Variants in KCNQ2 observed in about 807,000 individuals in gnomAD.
The protein encoded by KCNQ2 is potassium voltage-gated channel subfamily KQT member 2.
In KCNQ2, 14 loss-of-function variants were observed where a neutral mutation model predicts 84.8. The observed-to-expected ratio is 0.17, with a 90% CI of 0.11 to 0.26. KCNQ2 has a LOEUF of 0.26. Ranked by LOEUF, KCNQ2 falls within the 10% of genes least tolerant of loss-of-function variation. The pLI, the probability that KCNQ2 is intolerant of heterozygous loss-of-function variation, is 1.00. For missense variants in KCNQ2, 788 were observed against 1,254.0 expected, an observed-to-expected ratio of 0.63 and a Z score of 5.61; for synonymous variants, 599 against 554.1, an observed-to-expected ratio of 1.08 and a Z score of -1.14.
chr20:63,400,466 C>T lies in KCNQ2; in HGVS notation c.*6178G>A, dbSNP rs938917064. The T allele has an allele frequency of 1.8e-5, 7 of 397,260 alleles. No homozygotes were observed. Among genetic ancestry groups the T allele is most frequent in the East Asian group, 3.6e-5 (1 of 28,076 alleles). 24.6% of individuals were successfully genotyped at this position (397,260 alleles called of 1,614,324 possible). On this transcript the variant is annotated 3_prime_UTR_variant, in exon 17 of 17. Coordinates refer to ENST00000359125, the MANE Select transcript of KCNQ2 (RefSeq NM_172107.4). This position sits in a 1 kb window ranked among gnomAD's most constrained non-coding sequence, Gnocchi z 8.7. ...TGGGCGTCTATCCCTAGAAAATGGA[C>T]GGTGCACAAAGTTGAGATTGAAGTG...
At chr20:63,427,177 G>A (rs1208955372) in intron 10 of KCNQ2, among the ~76,000 whole-genome samples, 1 of 152,208 alleles carries the variant, frequency 6.6e-6, no homozygotes, top group Non-Finnish European at 1.5e-5. Flanking sequence ...AGCCAAGATC[G>A]CACCACTGCA....
rs568632071 is a variant in KCNQ2 at position 63,401,055 on chromosome 20, G to A, written c.*5589C>T. 5.8e-5 allele frequency: 23 copies of A among 395,182 alleles called. No individual in the cohort carries two copies. The highest frequency in any genetic ancestry group is 6.3e-4 in the Middle Eastern group (1 of 1,578). 24.5% of individuals were successfully genotyped at this position (395,182 alleles called of 1,614,324 possible). A position where few individuals can be genotyped will look rare whatever the true frequency, so the allele number is the denominator to read the frequency against. ...GACCGGCCCCTCCTTGCTGGCGCCT[G>A]GCCGAGAGTCAGACGCTGAGGACCT... On this transcript the variant is annotated 3_prime_UTR_variant, in exon 17 of 17. Transcript: ENST00000359125.
At chr20:63,448,193 C>T (rs941836337) in intron 1 of KCNQ2, 1 of 152,298 alleles carries the variant, frequency 6.6e-6, no homozygotes, top group African/African-American at 2.4e-5. Flanking sequence ...CAGAGAGAAA[C>T]CCACTTCGCA....
At chr20:63,469,402 A>G (rs939907878) in intron 1 of KCNQ2, among the ~76,000 whole-genome samples, 2 of 152,214 alleles carry the variant, frequency 1.3e-5, no homozygotes, top group African/African-American at 4.8e-5. Flanking sequence ...GCTCCCACAG[A>G]GGAGCAACAG....
intron 1 of KCNQ2, among the ~76,000 whole-genome samples, chr20:63,457,356 T>G (rs1028567089): frequency 1.3e-5 from 2 of 152,196 alleles, no homozygotes; most frequent in African/African-American, 4.8e-5. Context: ...GTGACCCAGG[T>G]GGGACCGAGC....
At chr20:63,411,941 TGAG>T in intron 15 of KCNQ2, 3 of 700,040 alleles carry the variant, frequency 4.3e-6, no homozygotes, top group Non-Finnish European at 7.9e-6. Flanking sequence ...CCACAGGAAA[TGAG>T]GAGCTGGCCA....
chr20:63,462,958 T>C (rs974141052), intron 1 of KCNQ2, among the ~76,000 whole-genome samples: 12 of 152,142 alleles, frequency 7.9e-5, no homozygotes, highest in African/African-American at 1.9e-4. Flanking sequence ...AGATGGGCCA[T>C]GGCTGACCCG....
intron 1 of KCNQ2, among the ~76,000 whole-genome samples, chr20:63,464,400 G>A (rs62208042): frequency 0.18 from 26,625 of 151,978 alleles, 2,520 homozygotes; most frequent in Admixed American, 0.22. Context: ...CACCTGGCAC[G>A]GGGTCTGTGG....
In KCNQ2 at chr20:63,422,907, G is replaced by A. The variant is rs1010228744; in HGVS notation, c.1247+1270C>T. Among the ~76,000 whole-genome samples the A allele has an allele frequency of 2.6e-5, 4 of 152,282 alleles. 1 individual carries two copies. The highest frequency in any genetic ancestry group is 4.4e-5 in the Non-Finnish European group (3 of 68,022). On this transcript the variant is annotated intron_variant, in intron 11 of 16. Coordinates refer to ENST00000359125, the MANE Select transcript of KCNQ2 (RefSeq NM_172107.4). ...CACGCGGAAGCCGTCGGGAAGCCTCGCGTCCACCTGGGACAGCACCGAGGT... is the reference window on the plus strand; with the variant it reads ...CACGCGGAAGCCGTCGGGAAGCCTCACGTCCACCTGGGACAGCACCGAGGT...
intron 4 of KCNQ2, among the ~76,000 whole-genome samples, chr20:63,443,406 C>T (rs939867771): frequency 8.9e-4 from 5 of 5,628 alleles, no homozygotes; most frequent in African/African-American, 2.6e-3. Context: ...ACCATCACCA[C>T]CATCACCATC....
chr20:63,420,150 A>G (rs1271247132), intron 11 of KCNQ2, among the ~76,000 whole-genome samples: 1 of 152,134 alleles, frequency 6.6e-6, no homozygotes, highest in Non-Finnish European at 1.5e-5. Flanking sequence ...CCAGTCCCCC[A>G]GTTGGAGGTG....
chr20:63,408,362 C>T lies in KCNQ2; in HGVS notation c.1887+51G>A, dbSNP rs1258589324. Reference sequence around the variant, plus strand: ...AGCCCACACTGCCACAGGTTGACGGCAGGCACCACAGCCCTCCAGCCCCGC... The same window carrying T: ...AGCCCACACTGCCACAGGTTGACGGTAGGCACCACAGCCCTCCAGCCCCGC... On this transcript the variant is annotated intron_variant, in intron 16 of 16. Transcript: ENST00000359125. The surrounding 1 kb of genome is among the most constrained non-coding windows in gnomAD (Gnocchi z 5.0). 4 of 1,597,186 alleles carry T rather than the reference C, an allele frequency of 2.5e-6. No homozygotes were observed. Among genetic ancestry groups the T allele is most frequent in the Non-Finnish European group, 2.5e-6 (3 of 1,177,102 alleles).
At chr20:63,421,102 G>A (rs1207144645) in intron 11 of KCNQ2, among the ~76,000 whole-genome samples, 1 of 152,168 alleles carries the variant, frequency 6.6e-6, no homozygotes, top group Admixed American at 6.5e-5. Context: ...CCCCACCCCA[G>A]GGAAAGAGCA....
In KCNQ2 at chr20:63,438,616, T is replaced by C. The variant is rs201787699; in HGVS notation, c.1023+9A>G. 1.2e-5 allele frequency: 20 copies of C among 1,612,468 alleles called. No homozygotes were observed. In the Admixed American group the frequency reaches 2.5e-4, roughly 20 times the overall value. ...GCTGTGCTGGTCCCCGGGGGACACC[T>C]GGACTCACCTGGATCAGGCCTGCTG... On this transcript the variant is annotated intron_variant, in intron 7 of 16. Coordinates refer to ENST00000359125, the MANE Select transcript of KCNQ2 (RefSeq NM_172107.4). The surrounding 1 kb of genome is among the most constrained non-coding windows in gnomAD (Gnocchi z 5.1).
chr20:63,407,188 G>A lies in KCNQ2; in HGVS notation c.2075C>T (p.Ser692Phe). Reference sequence around the variant, plus strand: ...GTTCTTCTGGCCCGTGGAGCTGCTGGAGCGCACGATCTTGACAATGCAGCC... The same window carrying A: ...GTTCTTCTGGCCCGTGGAGCTGCTGAAGCGCACGATCTTGACAATGCAGCC... Reference protein sequence around the residue: ...RHGCIVKIVRSSSSTGQKNFS... With the variant: ...RHGCIVKIVRFSSSTGQKNFS... The change falls in exon 17 of 17, where the codon TCC (serine) becomes TTC (phenylalanine). Residue 692 changes from serine to phenylalanine, a missense_variant. Ser to Phe is a radical substitution (Grantham distance 155). Around this residue, in one of 8 missense-constraint regions of KCNQ2, gnomAD observed 378 missense variants for 434.5 expected, o/e 0.87. Coordinates refer to ENST00000359125, the MANE Select transcript of KCNQ2 (RefSeq NM_172107.4). The surrounding 1 kb of genome is among the most constrained non-coding windows in gnomAD (Gnocchi z 7.2). 6.2e-7 allele frequency: 1 copy of A among 1,605,838 alleles called. No individual in the cohort carries two copies. Among genetic ancestry groups the A allele is most frequent in the Non-Finnish European group, 8.5e-7 (1 of 1,179,130 alleles).
chr20:63,457,705 C>A (rs572262735), intron 1 of KCNQ2, among the ~76,000 whole-genome samples: 1 of 152,362 alleles, frequency 6.6e-6, no homozygotes, highest in East Asian at 1.9e-4. Flanking sequence ...GCAGCAGACG[C>A]CCAAGGCCCA....
rs2079986772 is a variant in KCNQ2 at position 63,407,514 on chromosome 20, G to A, written c.1888-139C>T. 1.1e-6 allele frequency: 1 copy of A among 875,424 alleles called. No homozygotes were observed. The highest frequency in any genetic ancestry group is 1.7e-5 in the South Asian group (1 of 58,494). 54.2% of individuals were successfully genotyped at this position (875,424 alleles called of 1,614,324 possible). On this transcript the variant is annotated intron_variant, in intron 16 of 16. Transcript: ENST00000359125. The surrounding 1 kb of genome is among the most constrained non-coding windows in gnomAD (Gnocchi z 7.2). ...CCCAGGCTAGTCCCAGGAAACGGGG[G>A]ACCCAGGCTAGTCCCAGGAGATGTG...
intron 1 of KCNQ2, chr20:63,461,007 T>A (rs2081933169): frequency 6.6e-6 from 1 of 152,204 alleles, no homozygotes; most frequent in South Asian, 2.1e-4. Context: ...ACCGCCTGAA[T>A]CCTATTCTGT....
intron 8 of KCNQ2, among the ~76,000 whole-genome samples, chr20:63,432,282 AC>A (rs2080832510): frequency 6.8e-6 from 1 of 147,054 alleles, no homozygotes; most frequent in Admixed American, 6.7e-5. Context: ...GGAAGTCCCC[AC>A]CCTCAGGGAA....
Sources: gnomAD v4.1 joint callset for allele counts (sites outside exome capture counted in the v4.1 genomes callset) on GRCh38, gnomAD v4.1.1 for gene constraint, gnomAD v4.1.1 regional missense constraint, Gnocchi (gnomAD v3.1) non-coding constraint, MANE v1.5 for transcripts, NCBI Gene and HGNC (gene_info 2026-07-23, HGNC 2026-07-21) for gene names.